PALB2: variants seen among roughly 807,000 people sequenced by gnomAD.
The protein encoded by PALB2 is mutant partner and localizer of BRCA2.
Under a neutral mutation model 107.4 loss-of-function variants are expected in PALB2, and 82 were observed. The observed-to-expected ratio is 0.76, with a 90% CI of 0.64 to 0.92. The LOEUF (loss-of-function observed/expected upper bound fraction) is 0.92. Among genes scored for constraint, PALB2 ranks in the 40% least tolerant of loss-of-function variants. PALB2 has a pLI of 0.00. For synonymous variants in PALB2, 489 were observed against 496.8 expected (o/e 0.98, Z 0.21); for missense variants, 1,374 against 1,379.9 (o/e 1.00, Z 0.07).
At chr16:23,632,388 G>A (rs1966886954) in intron 4 of PALB2, among the ~76,000 whole-genome samples, 1 of 152,136 alleles carries the variant, frequency 6.6e-6, no homozygotes, top group South Asian at 2.1e-4. Context: ...AGGTTGCAGT[G>A]AACCAAGATT....
At chr16:23,616,022 A>G (rs1299281453) in intron 10 of PALB2, among the ~76,000 whole-genome samples, 1 of 152,076 alleles carries the variant, frequency 6.6e-6, no homozygotes, top group African/African-American at 2.4e-5. Context: ...TCATTGCTCC[A>G]TTTCCTGAAA....
intron 11 of PALB2, among the ~76,000 whole-genome samples, 164 bp downstream of exon 11, chr16:23,613,840 A>C (rs2142297395): frequency 6.6e-6 from 1 of 152,262 alleles, no homozygotes; most frequent in South Asian, 2.1e-4. Context: ...CACTGTACCA[A>C]CACTTATTTT....
rs1157451265 is a variant in PALB2, at chr16:23,629,688, C to T, written c.2466G>A (p.Gln822=). 2 of 1,614,204 alleles carry T rather than the reference C, an allele frequency of 1.2e-6. No homozygotes were observed. The highest frequency in any genetic ancestry group is 1.7e-6 in the Non-Finnish European group (2 of 1,180,042). Residue 822 remains glutamine (Q), a synonymous_variant, in exon 5 of 13, where the codon CAG becomes CAA. Transcript: ENST00000261584. ...PIESFTFKEN[Q]LCRNTCQELH... is the part of the protein sequence containing the mutation. ...GCTCCTGGCATGTGTTTCTACAGAGCTGATTTTCTTTAAAAGTGAATGACT... is the reference window on the plus strand; with the variant it reads ...GCTCCTGGCATGTGTTTCTACAGAGTTGATTTTCTTTAAAAGTGAATGACT...
At chr16:23,619,312 T>C (rs569016402) in intron 10 of PALB2, among the ~76,000 whole-genome samples, 3 of 152,192 alleles carry the variant, frequency 2.0e-5, no homozygotes, top group African/African-American at 7.2e-5. Context: ...GGTTTCCCTA[T>C]CACAAATCTG....
At position 23,641,298 on chromosome 16, in the gene PALB2, G is replaced by A. The variant is rs956420088; in HGVS notation, c.-141C>T. The A allele has an allele frequency of 1.7e-6, 2 of 1,186,224 alleles. No individual in the cohort carries two copies. The highest frequency in any genetic ancestry group is 2.2e-5 in the Admixed American group (1 of 45,078). 73.5% of individuals were successfully genotyped at this position (1,186,224 alleles called of 1,614,324 possible). A position where few individuals can be genotyped will look rare whatever the true frequency, so the allele number is the denominator to read the frequency against. Reference sequence around the variant, plus strand: ...TCGCACCCTCAGTGCGCGATCAGCTGACCCACGCGGGCCAAGCGCGCCCTA... The same window carrying A: ...TCGCACCCTCAGTGCGCGATCAGCTAACCCACGCGGGCCAAGCGCGCCCTA... On this transcript the variant is annotated 5_prime_UTR_variant, in exon 1 of 13. Transcript: ENST00000261584.
chr16:23,605,227 T>C (rs913955046), intron 12 of PALB2, among the ~76,000 whole-genome samples: 8 of 152,128 alleles, frequency 5.3e-5, no homozygotes, highest in African/African-American at 1.9e-4. Flanking sequence ...TAACTTATCT[T>C]TGGAAACTCC....
chr16:23,621,508 AC>A (rs1966773887), intron 9 of PALB2, 30 bp from the exon 10 acceptor site: 3 of 1,393,980 alleles, frequency 2.2e-6, no homozygotes, highest in Admixed American at 1.7e-5. Context: ...AAAAGTCAGT[AC>A]TTTGCACTAA....
At position 23,630,229 on chromosome 16, in the gene PALB2, A is replaced by G. The variant is rs876660387; in HGVS notation, c.1925T>C (p.Met642Thr). ...CTCTTTAAGATGTCTCTCTCCAAAC[A>G]TTTTTGACTCAAAGGGCTCCACTGG... ...EKPVEPFESK[M>T]FGERHLKEGS... The change falls in exon 5 of 13, where the codon ATG (methionine) becomes ACG (threonine). Residue 642 changes from methionine to threonine, a missense_variant. Transcript: ENST00000261584. The G allele has an allele frequency of 1.2e-6, 2 of 1,614,156 alleles. No individual in the cohort carries two copies. The highest frequency in any genetic ancestry group is 1.1e-5 in the South Asian group (1 of 91,080).
At position 23,641,149 on chromosome 16, in the gene PALB2, C is replaced by A. The variant is rs786202325; in HGVS notation, c.9G>T (p.Glu3Asp). 1 of 1,613,180 alleles carries A rather than the reference C, an allele frequency of 6.2e-7. No homozygotes were observed. Among genetic ancestry groups the A allele is most frequent in the Non-Finnish European group, 8.5e-7 (1 of 1,179,812 alleles). Residue 3 changes from glutamate (E) to aspartate (D), a missense_variant, in exon 1 of 13, where the codon GAG becomes GAT. Transcript: ENST00000261584. ...CACAGCTGAGGGGCTTCCCGGGAGG[C>A]TCGTCCATCGGGCAGGCGACAGAAC... The part of the protein sequence containing the change: MD[E>D]PPGKPLSCEE...
rs748641775 is a variant in PALB2, at chr16:23,637,507, G to A, written c.211+343C>T. ...CATTTGAAGCCAGGGGTTCAAGACC[G>A]GCCTGGCCAACATGGCGAAACCCCA... is the stretch of plus-strand genomic sequence containing the variant. On this transcript the variant is annotated intron_variant, in intron 3 of 12. Coordinates refer to ENST00000261584, the MANE Select transcript of PALB2 (RefSeq NM_024675.4). Among the ~76,000 whole-genome samples the A allele has an allele frequency of 7.9e-5, 12 of 151,736 alleles. 1 individual carries two copies. The highest frequency in any genetic ancestry group is 4.6e-4 in the Admixed American group (7 of 15,206).
In PALB2 at chr16:23,629,299, T is replaced by C. The variant is rs515726089; in HGVS notation, c.2515-24A>G. The C allele has an allele frequency of 1.3e-6, 2 of 1,591,850 alleles. No individual in the cohort carries two copies. The highest frequency in any genetic ancestry group is 1.7e-6 in the Non-Finnish European group (2 of 1,161,098). On this transcript the variant is annotated intron_variant, in intron 5 of 12. Transcript: ENST00000261584. ...GTCTGTGAAAACAAAAGTCACATCATTAGTCTACACTTTATGTATAATGTC... is the reference window on the plus strand; with the variant it reads ...GTCTGTGAAAACAAAAGTCACATCACTAGTCTACACTTTATGTATAATGTC...
intron 6 of PALB2, among the ~76,000 whole-genome samples, 190 bp from the exon 7 acceptor site, chr16:23,626,587 T>G (rs916425572): frequency 3.9e-5 from 6 of 152,154 alleles, no homozygotes; most frequent in Non-Finnish European, 5.9e-5. Context: ...ACTTACATCA[T>G]GAAAGATTTT....
At chr16:23,626,196 T>C in intron 7 of PALB2, 40 bp downstream of exon 7, 2 of 1,613,668 alleles carry the variant, frequency 1.2e-6, no homozygotes, top group Non-Finnish European at 1.7e-6. Context: ...ATCAGGCAAA[T>C]GGCTGCAAAG....
intron 12 of PALB2, among the ~76,000 whole-genome samples, chr16:23,604,329 C>A (rs942099590): frequency 6.6e-6 from 1 of 152,070 alleles, no homozygotes; most frequent in Non-Finnish European, 1.5e-5. Flanking sequence ...GCTGTGCAAC[C>A]CTGGGCAAAT....
At chr16:23,637,326 AAG>A (rs1156789755) in intron 3 of PALB2, among the ~76,000 whole-genome samples, 1 of 152,208 alleles carries the variant, frequency 6.6e-6, no homozygotes, top group African/African-American at 2.4e-5. Flanking sequence ...GAGAGGGAAA[AAG>A]AGCAAGAGAG....
rs540038413 is a variant in PALB2 at position 23,623,308 on chromosome 16, C to A, written c.2835-178G>T. ...AACTCTGCCTCCCAGGTTCAAGCGA[C>A]TGTCCTGCCTCAGCCTCCTGAGTAG... On this transcript the variant is annotated intron_variant, in intron 8 of 12. Coordinates refer to ENST00000261584, the MANE Select transcript of PALB2 (RefSeq NM_024675.4). Among the ~76,000 whole-genome samples the A allele has an allele frequency of 2.1e-4, 32 of 150,082 alleles. 1 individual carries two copies. In the South Asian group the frequency reaches 6.3e-3, roughly 30 times the overall value.
At position 23,623,116 on chromosome 16, in the gene PALB2, G is replaced by A. The variant is rs876659160; in HGVS notation, c.2849C>T (p.Ser950Phe). The change falls in exon 9 of 13, where the codon TCC (serine) becomes TTC (phenylalanine). Residue 950 changes from serine (S) to phenylalanine (F), a missense_variant. Ser to Phe is a radical substitution (Grantham distance 155). Transcript: ENST00000261584. ...TTGCTTTTCACTTTCATCATCAGAGGAACAAAACAATGCCCTAAGCCAAAT... is the reference window on the plus strand; with the variant it reads ...TTGCTTTTCACTTTCATCATCAGAGAAACAAAACAATGCCCTAAGCCAAAT... ...EIREIRALFCSSDDESEKQVL... is the reference protein window; with the variant it reads ...EIREIRALFCFSDDESEKQVL... 2.5e-6 allele frequency: 4 copies of A among 1,613,310 alleles called. No individual in the cohort carries two copies. Among genetic ancestry groups the A allele is most frequent in the Admixed American group, 1.7e-5 (1 of 59,928 alleles).
rs786201393 is a variant in PALB2 at position 23,635,513 on chromosome 16, A to G, written c.1033T>C (p.Leu345=). 5.6e-6 allele frequency: 9 copies of G among 1,613,768 alleles called. No individual in the cohort carries two copies. In the East Asian group the frequency reaches 2.0e-4, roughly 36 times the overall value. The stretch of plus-strand genomic sequence containing the variant: ...TTCTCTGTTTGATTTTGTTCTTTTA[A>G]GTTTTGGTTTTCATTTGCTGGTAAG... ...NNLPANENQN[L]KEQNQTEKSL... is the part of the protein sequence containing the mutation. Residue 345 remains leucine (L), a synonymous_variant, in exon 4 of 13, where the codon TTA becomes CTA. Coordinates refer to ENST00000261584, the MANE Select transcript of PALB2 (RefSeq NM_024675.4).
At chr16:23,630,643 G>T (rs938303769) in intron 4 of PALB2, among the ~76,000 whole-genome samples, 174 bp from the exon 5 acceptor site, 1 of 152,238 alleles carries the variant, frequency 6.6e-6, no homozygotes, top group East Asian at 1.9e-4. Flanking sequence ...AAAGAAACAT[G>T]TTAAACCATT....
Sources: allele counts gnomAD v4.1 joint callset (sites outside exome capture counted in the v4.1 genomes callset), GRCh38; gene constraint gnomAD v4.1.1; transcripts MANE v1.5; gene names NCBI Gene and HGNC (gene_info 2026-07-23, HGNC 2026-07-21).